FRYL: variants seen among roughly 807,000 people sequenced by gnomAD.
FRYL encodes the protein FRY like transcription coactivator, also known as protein furry homolog-like.
Under a neutral mutation model 351.2 loss-of-function variants are expected in FRYL, and 150 were observed. The ratio of observed to expected loss-of-function variants is 0.43; its 90% CI spans 0.37 to 0.49. The LOEUF (loss-of-function observed/expected upper bound fraction) is 0.49, where lower values mean the gene tolerates loss of function less well. FRYL is among the 20% of genes least tolerant of loss of function. FRYL has a pLI of 0.00. For missense variants in FRYL, 3,036 were observed against 3,619.3 expected (o/e 0.84, Z 4.13); for synonymous variants, 1,153 against 1,257.1 (o/e 0.92, Z 1.75).
intron 3 of FRYL, among the ~76,000 whole-genome samples, chr4:48,643,438 A>G (rs1755719176): frequency 6.6e-6 from 1 of 152,218 alleles, no homozygotes; most frequent in African/African-American, 2.4e-5. Context: ...CCTACACTCA[A>G]GTAGCAAACA....
At chr4:48,577,619 G>A (rs1190679696) in intron 23 of FRYL, among the ~76,000 whole-genome samples, 1 of 152,162 alleles carries the variant, frequency 6.6e-6, no homozygotes, top group Non-Finnish European at 1.5e-5. Flanking sequence ...AAGAATGCTG[G>A]TAGGATATGG....
At chr4:48,681,190 G>GGTTGGT in intron 3 of FRYL, 1 of 653,396 alleles carries the variant, frequency 1.5e-6, no homozygotes, top group Non-Finnish European at 2.0e-6. Context: ...CAACTTCCTT[G>GGTTGGT]ATGAGAAGTT....
chr4:48,729,743 A>G (rs1219987859), intron 1 of FRYL, among the ~76,000 whole-genome samples: 2 of 152,192 alleles, frequency 1.3e-5, no homozygotes, highest in Non-Finnish European at 2.9e-5. Context: ...TAGGTCACCA[A>G]CATCAAAGAC....
chr4:48,588,853 T>C (rs6447647), intron 18 of FRYL, among the ~76,000 whole-genome samples: 78,089 of 151,692 alleles, frequency 0.51, 20,557 homozygotes, highest in South Asian at 0.62. Flanking sequence ...CACACTGAAA[T>C]AGAATAGAAA....
intron 2 of FRYL, among the ~76,000 whole-genome samples, chr4:48,706,997 G>T (rs934025977): frequency 1.3e-5 from 2 of 152,040 alleles, no homozygotes; most frequent in African/African-American, 4.8e-5. Flanking sequence ...TGAGCCAAAA[G>T]CACCCAGCTA....
chr4:48,612,983 A>G (rs1332522788), intron 7 of FRYL, among the ~76,000 whole-genome samples: 2 of 152,212 alleles, frequency 1.3e-5, no homozygotes, highest in Non-Finnish European at 2.9e-5. Flanking sequence ...GTATATGAAG[A>G]AACATAATAC....
intron 3 of FRYL, chr4:48,653,958 G>A (rs1207965468): frequency 1.4e-5 from 17 of 1,190,240 alleles, no homozygotes; most frequent in Non-Finnish European, 1.8e-5. Flanking sequence ...CAGTCTTGCA[G>A]TGACGCACAA....
At chr4:48,575,304 G>A in intron 24 of FRYL, 63 bp from the exon 25 acceptor site, 1 of 1,523,804 alleles carries the variant, frequency 6.6e-7, no homozygotes, top group Admixed American at 1.7e-5. Context: ...TAGATAATCT[G>A]AGATTTCAGT....
At chr4:48,700,924 T>A (rs961866025) in intron 2 of FRYL, among the ~76,000 whole-genome samples, 1 of 152,200 alleles carries the variant, frequency 6.6e-6, no homozygotes, top group Non-Finnish European at 1.5e-5. Context: ...AGTTACTGTT[T>A]CAAAGTAATT....
At chr4:48,551,630 C>A in intron 36 of FRYL, 52 bp from the exon 37 acceptor site, 3 of 1,076,680 alleles carry the variant, frequency 2.8e-6, no homozygotes, top group East Asian at 2.4e-5. Flanking sequence ...TGGAATAACC[C>A]AATAAGAACA....
chr4:48,706,182 A>G (rs2149584009), intron 2 of FRYL, among the ~76,000 whole-genome samples: 1 of 152,344 alleles, frequency 6.6e-6, no homozygotes, highest in South Asian at 2.1e-4. Context: ...TTCTAGGAAT[A>G]GAATTCAGCT....
At chr4:48,561,067 G>A (rs978624773) in intron 33 of FRYL, among the ~76,000 whole-genome samples, 28 of 152,260 alleles carry the variant, frequency 1.8e-4, no homozygotes, top group Middle Eastern at 3.4e-3. Context: ...TAGGGGTTTC[G>A]CTCACGGAAA....
chr4:48,745,474 C>T (rs1219509156), intron 1 of FRYL, among the ~76,000 whole-genome samples: 2 of 152,078 alleles, frequency 1.3e-5, no homozygotes, highest in African/African-American at 2.4e-5. Context: ...GAACTGGAAA[C>T]CATCATTCTC....
At position 48,522,845 on chromosome 4, in the gene FRYL, G is replaced by A. The variant is rs1725205706; in HGVS notation, c.7521+56C>T. 6.4e-6 allele frequency: 8 copies of A among 1,257,474 alleles called. No homozygotes were observed. In the South Asian group the frequency reaches 9.6e-5, roughly 15 times the overall value. 77.9% of individuals were successfully genotyped at this position (1,257,474 alleles called of 1,614,324 possible). A position where few individuals can be genotyped will look rare whatever the true frequency, so the allele number is the denominator to read the frequency against. On this transcript the variant is annotated intron_variant, in intron 54 of 63. Transcript: ENST00000358350. The stretch of plus-strand genomic sequence containing the variant: ...CACAAGAAATAATCATTAAGAAGTT[G>A]GAAGTTAAGAGGAAAATGAGACCAA...
intron 63 of FRYL, 144 bp from the exon 64 acceptor site, chr4:48,499,824 A>G (rs1577790813): frequency 2.3e-6 from 2 of 866,586 alleles, no homozygotes; most frequent in East Asian, 5.2e-5. Flanking sequence ...TACTCAAAGT[A>G]CCACCTGAAT....
intron 1 of FRYL, among the ~76,000 whole-genome samples, chr4:48,766,561 A>C (rs1774969428): frequency 6.6e-6 from 1 of 152,126 alleles, no homozygotes; most frequent in Admixed American, 6.6e-5. Flanking sequence ...TCTCAGCTAG[A>C]GCAAGGCAAA....
intron 44 of FRYL, among the ~76,000 whole-genome samples, chr4:48,542,906 C>T (rs1419847633): frequency 6.6e-6 from 1 of 152,154 alleles, no homozygotes; most frequent in Admixed American, 6.5e-5. Flanking sequence ...AAATCACATC[C>T]ATCACCTTCC....
intron 55 of FRYL, chr4:48,520,718 A>G (rs1392591572): frequency 1.7e-5 from 3 of 175,226 alleles, no homozygotes; most frequent in Non-Finnish European, 3.6e-5. Context: ...AAAGAGAAGA[A>G]AAAACCAAAG....
At chr4:48,729,631 A>G (rs983197404) in intron 1 of FRYL, among the ~76,000 whole-genome samples, 1 of 152,222 alleles carries the variant, frequency 6.6e-6, no homozygotes, top group African/African-American at 2.4e-5. Flanking sequence ...AGCAAACTCC[A>G]ACACATCTGC....
Sources: gnomAD v4.1 joint callset for allele counts (sites outside exome capture counted in the v4.1 genomes callset) on GRCh38, gnomAD v4.1.1 for gene constraint, MANE v1.5 for transcripts, NCBI Gene and HGNC (gene_info 2026-07-23, HGNC 2026-07-21) for gene names.